Variants in STON2 observed in about 807,000 individuals in gnomAD.
The protein encoded by STON2 is stonin-2.
In STON2, 29 loss-of-function variants were observed where a neutral mutation model predicts 65.7. The ratio of observed to expected loss-of-function variants is 0.44; its 90% CI spans 0.33 to 0.60. The LOEUF is 0.60. STON2 is among the 20% of genes least tolerant of loss of function. The pLI is 0.03. For synonymous variants in STON2, 404 were observed against 414.2 expected, an observed-to-expected ratio of 0.98 and a Z score of 0.30; for missense variants, 1,054 against 1,118.1, an observed-to-expected ratio of 0.94 and a Z score of 0.82.
In STON2 at chr14:81,272,928, C is replaced by T. The variant is rs527723879; in HGVS notation, c.2582-2056G>A. ...AGTAAATTGCCCGAGGTCACACAGC[C>T]GTTAAGTGGTAGAGCTGGAAATAAG... is the stretch of plus-strand genomic sequence containing the variant. On this transcript the variant is annotated intron_variant, in intron 6 of 7. Transcript: ENST00000614646. 7.9e-5 allele frequency among the ~76,000 whole-genome samples: 12 copies of T among 152,250 alleles called. No individual in the cohort carries two copies. The South Asian group carries it at 1.7e-3, about 21-fold the overall frequency.
Position 81,277,355 on chromosome 14 carries a change from A to C in STON2, c.2127T>G (p.Asp709Glu). The part of the protein sequence containing the change: ...LHECRFHGCV[D>E]EDVFHNSRVI... ...CCCGTGAGTTGTGGAAAACATCCTC[A>C]TCCACACACCCATGGAAACGGCACT... is the stretch of plus-strand genomic sequence containing the variant. The change falls in exon 6 of 8, where the codon GAT (aspartate) becomes GAG (glutamate). Residue 709 changes from aspartate to glutamate, a missense_variant. Transcript: ENST00000614646. The C allele has an allele frequency of 6.2e-7, 1 of 1,614,182 alleles. No homozygotes were observed. The highest frequency in any genetic ancestry group is 8.5e-7 in the Non-Finnish European group (1 of 1,180,014).
chr14:81,416,632 C>T (rs1474187043), intron 2 of STON2, among the ~76,000 whole-genome samples: 2 of 152,178 alleles, frequency 1.3e-5, no homozygotes, highest in African/African-American at 2.4e-5. Context: ...TCCACAGGCC[C>T]CTGAACAGAG....
At chr14:81,272,154 A>G (rs1894624900) in intron 6 of STON2, among the ~76,000 whole-genome samples, 1 of 152,172 alleles carries the variant, frequency 6.6e-6, no homozygotes, top group African/African-American at 2.4e-5. Context: ...CCTGGGAGGC[A>G]GAGCTTGCAG....
chr14:81,281,603 A>G (rs1474198253), intron 5 of STON2, among the ~76,000 whole-genome samples: 1 of 152,166 alleles, frequency 6.6e-6, no homozygotes, highest in Non-Finnish European at 1.5e-5. Context: ...TACACTTGCC[A>G]CCAAAGGATT....
At position 81,277,502 on chromosome 14, in the gene STON2, A is replaced by G; in HGVS notation, c.1980T>C (p.Ser660=). 1 of 1,614,056 alleles carries G rather than the reference A, an allele frequency of 6.2e-7. No individual in the cohort carries two copies. The highest frequency in any genetic ancestry group is 8.5e-7 in the Non-Finnish European group (1 of 1,179,986). ...GGCACTCTGCGAGCCCAGACAGGAA[A>G]CTCAGGATGTGGATCCGTGTCAAGA... ...HHVLTRIHIL[S]FLSGLAECRL... is the part of the protein sequence containing the mutation. Residue 660 remains serine, a synonymous_variant, in exon 6 of 8, where the codon AGT becomes AGC. Coordinates refer to ENST00000614646, the MANE Select transcript of STON2 (RefSeq NM_001394390.1).
At chr14:81,323,899 C>T (rs1233315100) in intron 5 of STON2, among the ~76,000 whole-genome samples, 118 bp downstream of exon 5, 1 of 152,104 alleles carries the variant, frequency 6.6e-6, no homozygotes, top group Non-Finnish European at 1.5e-5. Flanking sequence ...CGAGAACTAA[C>T]CAAACAAAAC....
chr14:81,435,022 T>G (rs1368321343), intron 1 of STON2, among the ~76,000 whole-genome samples: 1 of 152,140 alleles, frequency 6.6e-6, no homozygotes, highest in African/African-American at 2.4e-5. Context: ...GAGTAAAAAG[T>G]ATAAAACTTT....
intron 5 of STON2, among the ~76,000 whole-genome samples, chr14:81,284,840 T>A (rs950302909): frequency 6.6e-6 from 1 of 152,202 alleles, no homozygotes; most frequent in Non-Finnish European, 1.5e-5. Context: ...CCATTGCTCA[T>A]TAACCATTCA....
intron 2 of STON2, among the ~76,000 whole-genome samples, chr14:81,421,152 T>C (rs112022378): frequency 0.039 from 5,997 of 152,312 alleles, 154 homozygotes; most frequent in South Asian, 0.075. Context: ...CGACTTGGAA[T>C]GTGAAGAGCA....
chr14:81,305,286 T>C (rs1896128105), intron 5 of STON2, among the ~76,000 whole-genome samples: 1 of 152,248 alleles, frequency 6.6e-6, no homozygotes. Flanking sequence ...GCTCTCTCAC[T>C]GGATATGCAA....
rs527640028 is a variant in STON2 at position 81,265,623 on chromosome 14, C to T, written c.*2791G>A. 138 of 394,732 alleles carry T rather than the reference C, an allele frequency of 3.5e-4. No individual in the cohort carries two copies. Among genetic ancestry groups the T allele is most frequent in the African/African-American group, 2.6e-3 (120 of 45,916 alleles). 24.5% of individuals were successfully genotyped at this position (394,732 alleles called of 1,614,324 possible). On this transcript the variant is annotated 3_prime_UTR_variant, in exon 8 of 8. Coordinates refer to ENST00000614646, the MANE Select transcript of STON2 (RefSeq NM_001394390.1). ...TCACGCCATTGCACTCCAGCCTGGGCGACAAGAGCGAAACTTTGTCTCAGT... is the reference window on the plus strand; with the variant it reads ...TCACGCCATTGCACTCCAGCCTGGGTGACAAGAGCGAAACTTTGTCTCAGT...
rs562126466 is a variant in STON2, at chr14:81,344,720, G to A, written c.572-20533C>T. ...CCAGAAAGATCTTCCCACAGTTCTC[G>A]CATGCAAATTCCCAATTCTCCACTC... On this transcript the variant is annotated intron_variant, in intron 4 of 7. Coordinates refer to ENST00000614646, the MANE Select transcript of STON2 (RefSeq NM_001394390.1). 3.9e-5 allele frequency among the ~76,000 whole-genome samples: 6 copies of A among 152,166 alleles called. No individual in the cohort carries two copies. The East Asian group carries it at 5.8e-4, about 15-fold the overall frequency.
intron 4 of STON2, among the ~76,000 whole-genome samples, chr14:81,352,238 T>A (rs1474144040): frequency 3.3e-5 from 5 of 152,136 alleles, no homozygotes; most frequent in African/African-American, 1.2e-4. Flanking sequence ...TATTTCCAAG[T>A]AGCAATGATA....
intron 4 of STON2, among the ~76,000 whole-genome samples, chr14:81,346,776 T>C (rs562333214): frequency 1.1e-4 from 17 of 152,202 alleles, no homozygotes; most frequent in East Asian, 7.7e-4. Flanking sequence ...TAGAGAAACA[T>C]TGGAAACAAA....
At position 81,261,959 on chromosome 14, in the gene STON2, AAAAGAG is replaced by A; in HGVS notation, c.*6449_*6454del. On this transcript the variant is annotated 3_prime_UTR_variant, in exon 8 of 8. Coordinates refer to ENST00000614646, the MANE Select transcript of STON2 (RefSeq NM_001394390.1). ...GGGGAAATGATAAAAAAAAAAAAAA[AAAAGAG>A]AGAGATGTGAAAAGGAAAAAGATGG... 2.8e-6 allele frequency: 4 copies of A among 1,437,976 alleles called. No individual in the cohort carries two copies. Among genetic ancestry groups the A allele is most frequent in the Non-Finnish European group, 3.6e-6 (4 of 1,102,544 alleles). The allele number at this position is 1,437,976 out of a possible 1,614,324, so 89.1% of individuals were successfully genotyped here. A position where few individuals can be genotyped will look rare whatever the true frequency, so the allele number is the denominator to read the frequency against.
chr14:81,432,259 C>T (rs1022945469), intron 1 of STON2, among the ~76,000 whole-genome samples: 41 of 152,204 alleles, frequency 2.7e-4, no homozygotes, highest in African/African-American at 9.6e-4. Flanking sequence ...TGCTCCTTTA[C>T]GTCCATTTCT....
At chr14:81,347,162 T>C (rs1445551872) in intron 4 of STON2, among the ~76,000 whole-genome samples, 1 of 147,848 alleles carries the variant, frequency 6.8e-6, no homozygotes, top group Non-Finnish European at 1.5e-5. Flanking sequence ...ATAAAGAAAA[T>C]TGATAAACCT....
chr14:81,333,483 C>T (rs1363204469), intron 4 of STON2: 16 of 250,732 alleles, frequency 6.4e-5, no homozygotes, highest in South Asian at 3.4e-4. Flanking sequence ...ATTTTGCTGA[C>T]GAAGAAAACA....
intron 4 of STON2, among the ~76,000 whole-genome samples, 22 bp from the exon 5 acceptor site, chr14:81,324,209 G>GA (rs910484156): frequency 9.2e-5 from 14 of 151,470 alleles, no homozygotes; most frequent in African/African-American, 1.7e-4. Context: ...GGGCCAAGAT[G>GA]AAAAAAAAAT....
Sources: allele counts gnomAD v4.1 joint callset (sites outside exome capture counted in the v4.1 genomes callset), GRCh38; gene constraint gnomAD v4.1.1; transcripts MANE v1.5; gene names NCBI Gene and HGNC (gene_info 2026-07-23, HGNC 2026-07-21).